The following PLCB4 variants were observed in gnomAD, a reference collection of about 807,000 sequenced individuals.
PLCB4 encodes phospholipase C beta 4.
In PLCB4, 77 loss-of-function variants were observed where a neutral mutation model predicts 178.8. The ratio of observed to expected loss-of-function variants is 0.43; its 90% CI spans 0.36 to 0.52. PLCB4 has a LOEUF of 0.52. Ranked by LOEUF, PLCB4 falls within the 20% of genes least tolerant of loss-of-function variation. The probability of loss-of-function intolerance (pLI) is 0.00; values close to 1 mark genes in which losing one functional copy is unlikely to be tolerated. For missense variants in PLCB4, 1,024 were observed against 1,453.4 expected (o/e 0.70, Z 4.80); for synonymous variants, 496 against 490.8 (o/e 1.01, Z -0.14).
intron 3 of PLCB4, among the ~76,000 whole-genome samples, chr20:9,289,353 A>G (rs143264491): frequency 2.0e-5 from 3 of 152,226 alleles, no homozygotes; most frequent in African/African-American, 7.2e-5. Flanking sequence ...ACACTCTACA[A>G]ACAAAGCCAG....
chr20:9,315,236 A>G (rs1432981244), intron 4 of PLCB4, among the ~76,000 whole-genome samples: 2 of 152,214 alleles, frequency 1.3e-5, no homozygotes, highest in African/African-American at 4.8e-5. Flanking sequence ...TATTGGAATC[A>G]TTAGGCTACA....
chr20:9,170,951 G>C (rs1480282729), intron 2 of PLCB4, among the ~76,000 whole-genome samples: 1 of 152,146 alleles, frequency 6.6e-6, no homozygotes, highest in Admixed American at 6.6e-5. Context: ...AGTTATACCA[G>C]CACCATAAAG....
intron 12 of PLCB4, among the ~76,000 whole-genome samples, chr20:9,376,540 G>A (rs941226789): frequency 1.3e-5 from 2 of 152,146 alleles, no homozygotes; most frequent in Admixed American, 1.3e-4. Flanking sequence ...GCAAACTAGA[G>A]TCCAGGAGGG....
intron 2 of PLCB4, among the ~76,000 whole-genome samples, chr20:9,209,242 A>G (rs2093646564): frequency 6.6e-6 from 1 of 152,168 alleles, no homozygotes; most frequent in South Asian, 2.1e-4. Flanking sequence ...TTAAAAATGT[A>G]CTGACTGGTT....
intron 2 of PLCB4, among the ~76,000 whole-genome samples, chr20:9,182,448 G>A (rs908109929): frequency 6.6e-6 from 1 of 152,174 alleles, no homozygotes; most frequent in African/African-American, 2.4e-5. Flanking sequence ...TGGGGAATTT[G>A]CTCAATCATC....
Position 9,098,741 on chromosome 20 carries a change from A to ATGTGTGTGTGTGTG in PLCB4, c.-79+2409_-79+2422dup, listed in dbSNP as rs35465129. Among the ~76,000 whole-genome samples, 274 of 135,468 alleles carry ATGTGTGTGTGTGTG rather than the reference A, an allele frequency of 2.0e-3. 2 individuals carry two copies. The highest frequency in any genetic ancestry group is 0.019 in the East Asian group (82 of 4,400). 88.9% of individuals were successfully genotyped at this position (135,468 alleles called of 152,430 possible). A position where few individuals can be genotyped will look rare whatever the true frequency, so the allele number is the denominator to read the frequency against. ...CGTGTGTGTGTATATATATACATAT[A>ATGTGTGTGTGTGTG]TGTGTGTGTGTGTGTGTGTGTGTAT... On this transcript the variant is annotated intron_variant, in intron 2 of 39. Transcript: ENST00000378473.
intron 4 of PLCB4, among the ~76,000 whole-genome samples, chr20:9,320,061 A>C (rs910182627): frequency 6.6e-6 from 1 of 152,174 alleles, no homozygotes; most frequent in Non-Finnish European, 1.5e-5. Context: ...GCACAGAGTA[A>C]AGTGAAAGCA....
At chr20:9,225,030 T>C (rs999903677) in intron 3 of PLCB4, among the ~76,000 whole-genome samples, 3 of 152,178 alleles carry the variant, frequency 2.0e-5, no homozygotes, top group Non-Finnish European at 4.4e-5. Context: ...AGGTGAAGCA[T>C]GCTGAGTTCT....
At chr20:9,084,905 T>G (rs2090327754) in intron 1 of PLCB4, among the ~76,000 whole-genome samples, 1 of 151,950 alleles carries the variant, frequency 6.6e-6, no homozygotes, top group African/African-American at 2.4e-5. Context: ...ACAAAAAAAT[T>G]AGCCGGGCGT....
chr20:9,382,255 A>C (rs1301415512), intron 13 of PLCB4, among the ~76,000 whole-genome samples: 1 of 152,144 alleles, frequency 6.6e-6, no homozygotes, highest in African/African-American at 2.4e-5. Context: ...CACCATCTCC[A>C]ACATTACTGA....
chr20:9,173,626 T>G (rs2093102856), intron 2 of PLCB4, among the ~76,000 whole-genome samples: 1 of 152,190 alleles, frequency 6.6e-6, no homozygotes, highest in Admixed American at 6.5e-5. Flanking sequence ...GCACATCCCG[T>G]GACTATGGCT....
At chr20:9,163,328 G>A (rs1171066601) in intron 2 of PLCB4, among the ~76,000 whole-genome samples, 1 of 152,134 alleles carries the variant, frequency 6.6e-6, no homozygotes, top group Non-Finnish European at 1.5e-5. Context: ...CAAATGTTAA[G>A]CCTCTGAAGA....
intron 2 of PLCB4, among the ~76,000 whole-genome samples, chr20:9,207,577 G>A (rs2093628179): frequency 6.6e-6 from 1 of 152,218 alleles, no homozygotes; most frequent in African/African-American, 2.4e-5. Flanking sequence ...TGTGGCTGGT[G>A]GCACGTGGTG....
intron 2 of PLCB4, among the ~76,000 whole-genome samples, chr20:9,195,611 C>T (rs974910433): frequency 6.6e-6 from 1 of 152,216 alleles, no homozygotes; most frequent in Non-Finnish European, 1.5e-5. Context: ...CCTTGGACAT[C>T]GGTGCTCCTG....
At chr20:9,156,387 C>T (rs1175926114) in intron 2 of PLCB4, among the ~76,000 whole-genome samples, 1 of 152,114 alleles carries the variant, frequency 6.6e-6, no homozygotes, top group Non-Finnish European at 1.5e-5. Flanking sequence ...TTATTACAGT[C>T]CCATTCTGAG....
intron 4 of PLCB4, among the ~76,000 whole-genome samples, chr20:9,315,897 C>T (rs896290130): frequency 2.0e-5 from 3 of 151,902 alleles, no homozygotes; most frequent in African/African-American, 7.3e-5. Flanking sequence ...TGCACCACTA[C>T]ACTCCAGCAC....
intron 18 of PLCB4, among the ~76,000 whole-genome samples, chr20:9,394,664 G>GC (rs1007835708): frequency 1.3e-5 from 2 of 152,076 alleles, no homozygotes; most frequent in Non-Finnish European, 2.9e-5. Context: ...CTATAAACAT[G>GC]CTTGAATGTT....
intron 3 of PLCB4, among the ~76,000 whole-genome samples, chr20:9,235,808 GT>G (rs1377975373): frequency 6.6e-6 from 1 of 152,206 alleles, no homozygotes; most frequent in Non-Finnish European, 1.5e-5. Context: ...CACAGTCATT[GT>G]TTTTGGCATC....
At chr20:9,236,437 T>C (rs1049795247) in intron 3 of PLCB4, among the ~76,000 whole-genome samples, 1 of 152,190 alleles carries the variant, frequency 6.6e-6, no homozygotes, top group Non-Finnish European at 1.5e-5. Flanking sequence ...TTTCCTTTTG[T>C]GTGCGTGTGT....
Sources: allele counts gnomAD v4.1 joint callset (sites outside exome capture counted in the v4.1 genomes callset), GRCh38; gene constraint gnomAD v4.1.1; transcripts MANE v1.5; gene names NCBI Gene and HGNC (gene_info 2026-07-23, HGNC 2026-07-21).